The following ITGA11 variants were observed in gnomAD, a reference collection of about 807,000 sequenced individuals.
ITGA11 encodes the protein integrin alpha-11.
In ITGA11, 97 loss-of-function variants were observed where a neutral mutation model predicts 141.9. The ratio of observed to expected loss-of-function variants is 0.68; its 90% CI spans 0.58 to 0.81. The LOEUF is 0.81. Ranked by LOEUF, ITGA11 falls within the 30% of genes least tolerant of loss-of-function variation. The probability of loss-of-function intolerance (pLI) is 0.00; values close to 1 mark genes in which losing one functional copy is unlikely to be tolerated. For missense variants in ITGA11, 1,387 were observed against 1,559.2 expected (o/e 0.89, Z 1.86); for synonymous variants, 658 against 624.6 (o/e 1.05, Z -0.80).
chr15:68,311,801 A>G (rs568142731), intron 24 of ITGA11, among the ~76,000 whole-genome samples: 2 of 152,350 alleles, frequency 1.3e-5, no homozygotes, highest in African/African-American at 4.8e-5. Flanking sequence ...TAATTTAATT[A>G]ATTAAACTCG....
intron 1 of ITGA11, among the ~76,000 whole-genome samples, chr15:68,406,843 G>C (rs1056880195): frequency 1.3e-5 from 2 of 152,126 alleles, no homozygotes; most frequent in African/African-American, 4.8e-5. Context: ...TTCCAGGCAC[G>C]ATCCTAGGCA....
At chr15:68,399,098 A>AAATCTATGTTT (rs1233940430) in intron 2 of ITGA11, among the ~76,000 whole-genome samples, 1 of 152,048 alleles carries the variant, frequency 6.6e-6, no homozygotes, top group African/African-American at 2.4e-5. Context: ...TGGAAACATA[A>AAATCTATGTTT]AGGATCTATC....
chr15:68,410,084 A>G (rs558164455), intron 1 of ITGA11, among the ~76,000 whole-genome samples: 13 of 152,292 alleles, frequency 8.5e-5, no homozygotes, highest in Admixed American at 7.8e-4. Context: ...CCTTGATCAC[A>G]ACAAGTGGAA....
intron 21 of ITGA11, among the ~76,000 whole-genome samples, chr15:68,316,772 C>T (rs1295854399): frequency 1.3e-5 from 2 of 152,186 alleles, no homozygotes; most frequent in African/African-American, 4.8e-5. Context: ...GCCTGCTGCC[C>T]AGGGCTGATG....
chr15:68,334,627 G>T (rs1894286122), intron 12 of ITGA11, among the ~76,000 whole-genome samples: 1 of 151,788 alleles, frequency 6.6e-6, no homozygotes, highest in Admixed American at 6.6e-5. Flanking sequence ...TAACTAAGAA[G>T]CGGACAGACA....
intron 1 of ITGA11, among the ~76,000 whole-genome samples, chr15:68,430,690 T>C (rs1897248112): frequency 6.6e-6 from 1 of 152,238 alleles, no homozygotes; most frequent in Non-Finnish European, 1.5e-5. Flanking sequence ...CTCCCGCAGC[T>C]GGCTTCTAGT....
rs982528531 is a variant in ITGA11, at chr15:68,296,687, T to C, written c.*6372A>G. On this transcript the variant is annotated 3_prime_UTR_variant, in exon 30 of 30. Transcript: ENST00000315757. ...CATTTTCTCTGTCATGTAATAGTTG[T>C]AGCTTATTTACTTTAAATATGGTAC... is the stretch of plus-strand genomic sequence containing the variant. 2 of 152,194 alleles carry C rather than the reference T, an allele frequency of 1.3e-5. No individual in the cohort carries two copies. Among genetic ancestry groups the C allele is most frequent in the African/African-American group, 2.4e-5 (1 of 41,444 alleles). 9.4% of individuals were successfully genotyped at this position (152,194 alleles called of 1,614,324 possible).
intron 2 of ITGA11, among the ~76,000 whole-genome samples, chr15:68,385,057 G>C (rs1233977243): frequency 6.6e-6 from 1 of 152,242 alleles, no homozygotes; most frequent in South Asian, 2.1e-4. Flanking sequence ...CCCCATGGTA[G>C]ACACTTAAAC....
At chr15:68,383,234 G>C (rs575714291) in intron 2 of ITGA11, among the ~76,000 whole-genome samples, 3 of 150,158 alleles carry the variant, frequency 2.0e-5, no homozygotes, top group African/African-American at 7.4e-5. Context: ...TCATGCCACC[G>C]CACTCCAGCC....
intron 1 of ITGA11, among the ~76,000 whole-genome samples, chr15:68,419,557 G>T (rs977850992): frequency 1.3e-5 from 2 of 152,210 alleles, no homozygotes; most frequent in African/African-American, 4.8e-5. Flanking sequence ...CCATTGTTTG[G>T]AAATAGAGTC....
intron 3 of ITGA11, among the ~76,000 whole-genome samples, chr15:68,367,986 C>T (rs1452054182): frequency 6.6e-6 from 1 of 152,188 alleles, no homozygotes; most frequent in Non-Finnish European, 1.5e-5. Context: ...AGTTTGGGCC[C>T]CGGCTATGCT....
chr15:68,420,683 C>CTGAT (rs1159879047), intron 1 of ITGA11, among the ~76,000 whole-genome samples: 1 of 152,198 alleles, frequency 6.6e-6, no homozygotes, highest in Non-Finnish European at 1.5e-5. Context: ...GAGATTTTAA[C>CTGAT]TGATTGATTG....
chr15:68,372,171 C>G (rs1327075545), intron 2 of ITGA11, among the ~76,000 whole-genome samples: 1 of 152,204 alleles, frequency 6.6e-6, no homozygotes, highest in Admixed American at 6.5e-5. Context: ...CAGCCCTTCT[C>G]TCCATTCTTG....
intron 1 of ITGA11, among the ~76,000 whole-genome samples, chr15:68,413,495 A>T (rs933977276): frequency 7.2e-5 from 11 of 152,208 alleles, no homozygotes; most frequent in Non-Finnish European, 1.6e-4. Context: ...GGCAACAGAC[A>T]TGTTTATAAG....
At chr15:68,411,452 A>G (rs1028935625) in intron 1 of ITGA11, among the ~76,000 whole-genome samples, 1 of 152,220 alleles carries the variant, frequency 6.6e-6, no homozygotes, top group African/African-American at 2.4e-5. Flanking sequence ...AGAGCACAGG[A>G]GACCAGGTAT....
At chr15:68,365,089 C>T in intron 3 of ITGA11, 1 of 941,890 alleles carries the variant, frequency 1.1e-6, no homozygotes, top group Non-Finnish European at 1.3e-6. Context: ...CCTCCTCCAG[C>T]CATCCGACTG....
intron 2 of ITGA11, among the ~76,000 whole-genome samples, chr15:68,380,399 C>T (rs1362225168): frequency 6.6e-6 from 1 of 152,130 alleles, no homozygotes; most frequent in Non-Finnish European, 1.5e-5. Context: ...ACATTCTGTT[C>T]AAAGAAATAA....
chr15:68,369,287 GGGAA>G lies in ITGA11; in HGVS notation c.165-7_165-4del, dbSNP rs1567147450. 2 of 1,603,810 alleles carry G rather than the reference GGGAA, an allele frequency of 1.2e-6. No homozygotes were observed. Among genetic ancestry groups the G allele is most frequent in the Non-Finnish European group, 8.5e-7 (1 of 1,173,068 alleles). ...CCAGTGGGGCGCCCACGACCAGCCTGGGAAGGAAGAGAAGATGAGCAAAGACATT... is the reference window on the plus strand; with the variant it reads ...CCAGTGGGGCGCCCACGACCAGCCTGGGAAGAGAAGATGAGCAAAGACATT... On this transcript the variant is annotated splice_polypyrimidine_tract_variant and splice_region_variant and intron_variant, in intron 2 of 29. Transcript: ENST00000315757.
At chr15:68,406,578 C>T (rs1896656050) in intron 1 of ITGA11, among the ~76,000 whole-genome samples, 1 of 152,204 alleles carries the variant, frequency 6.6e-6, no homozygotes, top group African/African-American at 2.4e-5. Context: ...CTCCATTTTT[C>T]CTCATAGCGT....
Sources: gnomAD v4.1 joint callset for allele counts (sites outside exome capture counted in the v4.1 genomes callset) on GRCh38, gnomAD v4.1.1 for gene constraint, MANE v1.5 for transcripts, NCBI Gene and HGNC (gene_info 2026-07-23, HGNC 2026-07-21) for gene names.